Variants in TUSC3 observed in about 807,000 individuals in gnomAD.
The protein encoded by TUSC3 is tumor suppressor candidate 3.
In TUSC3, 45 loss-of-function variants were observed where a neutral mutation model predicts 44.8. That is an observed-to-expected ratio of 1.00 (90% CI 0.79 to 1.29). The LOEUF (loss-of-function observed/expected upper bound fraction) is 1.29, where lower values mean the gene tolerates loss of function less well. TUSC3 is among the 50% of genes most tolerant of loss of function. The pLI is 0.00. For synonymous variants in TUSC3, 212 were observed against 152.9 expected, an observed-to-expected ratio of 1.39 and a Z score of -2.85; for missense variants, 519 against 437.9, an observed-to-expected ratio of 1.19 and a Z score of -1.65.
chr8:15,446,830 A>G (rs906528813), intron 1 of TUSC3, among the ~76,000 whole-genome samples: 1 of 151,538 alleles, frequency 6.6e-6, no homozygotes, highest in Non-Finnish European at 1.5e-5. Flanking sequence ...TCTTTAAAGG[A>G]GAGGCAGAAG....
intron 1 of TUSC3, among the ~76,000 whole-genome samples, chr8:15,429,310 T>C (rs1799842939): frequency 6.6e-6 from 1 of 151,994 alleles, no homozygotes; most frequent in Non-Finnish European, 1.5e-5. Context: ...GAGGGCTCTG[T>C]TCTGTTCCAT....
At chr8:15,777,998 C>T in the TUSC3 span, among the ~76,000 whole-genome samples, 71 of 151,962 alleles carry the variant, frequency 4.7e-4, no homozygotes, top group Middle Eastern at 6.8e-3. Context: ...ATCTTGATTT[C>T]CCTCTCCTTG....
At chr8:15,479,359 G>A (rs529427894) in intron 1 of TUSC3, among the ~76,000 whole-genome samples, 15 of 152,114 alleles carry the variant, frequency 9.9e-5, no homozygotes, top group African/African-American at 2.6e-4. Flanking sequence ...ATTTTTGCCC[G>A]TGCCTATGTT....
intron 6 of TUSC3, among the ~76,000 whole-genome samples, chr8:15,723,257 G>A (rs1810374842): frequency 6.6e-6 from 1 of 152,142 alleles, no homozygotes; most frequent in Admixed American, 6.6e-5. Flanking sequence ...CAGAGACATT[G>A]CTAAACGATG....
the TUSC3 span, chr8:15,807,281 A>G: frequency 1.7e-6 from 1 of 575,384 alleles, no homozygotes; most frequent in Admixed American, 2.5e-5. Flanking sequence ...AGATGGTCCC[A>G]TTATGTCATA....
intron 6 of TUSC3, among the ~76,000 whole-genome samples, chr8:15,716,668 A>T (rs28572644): frequency 6.6e-6 from 1 of 152,128 alleles, no homozygotes; most frequent in Admixed American, 6.6e-5. Flanking sequence ...CGAAATATCA[A>T]TATTTATTTG....
chr8:15,701,557 G>A (rs1029104877), intron 6 of TUSC3, among the ~76,000 whole-genome samples: 3 of 152,122 alleles, frequency 2.0e-5, no homozygotes, highest in African/African-American at 7.2e-5. Context: ...CATTATAGAA[G>A]TAGATGCATA....
chr8:15,798,021 A>G, the TUSC3 span, among the ~76,000 whole-genome samples: 4 of 152,172 alleles, frequency 2.6e-5, no homozygotes, highest in Non-Finnish European at 4.4e-5. Context: ...CTAAGATGCT[A>G]TACTATGTCC....
chr8:15,643,700 C>T (rs1270095713), intron 2 of TUSC3, among the ~76,000 whole-genome samples: 1 of 152,134 alleles, frequency 6.6e-6, no homozygotes, highest in Admixed American at 6.6e-5. Flanking sequence ...TTTCTCAGCT[C>T]TTCAGAGGCC....
chr8:15,646,281 T>C (rs13248414), intron 2 of TUSC3, among the ~76,000 whole-genome samples: 30,069 of 152,034 alleles, frequency 0.2, 3,824 homozygotes, highest in Non-Finnish European at 0.29. Flanking sequence ...ACACAGACTA[T>C]TTGAGTGTGG....
chr8:15,504,613 ATATATATATTTTTTTT>A (rs1247613786), intron 2 of TUSC3, among the ~76,000 whole-genome samples: 22 of 20,732 alleles, frequency 1.1e-3, no homozygotes, highest in African/African-American at 6.1e-3. Context: ...ATATATATAT[ATATATATATTTTTTTT>A]TTTTTTTTTT....
At chr8:15,582,356 A>G (rs1044782287) in intron 1 of TUSC3, among the ~76,000 whole-genome samples, 9 of 152,306 alleles carry the variant, frequency 5.9e-5, no homozygotes, top group South Asian at 4.1e-4. Flanking sequence ...GTAAACAGTG[A>G]GGTACTTGAA....
At chr8:15,780,294 T>G in the TUSC3 span, among the ~76,000 whole-genome samples, 42 of 152,098 alleles carry the variant, frequency 2.8e-4, no homozygotes, top group Non-Finnish European at 1.3e-4. Flanking sequence ...CACAATACAG[T>G]TGGAAAGGAA....
At chr8:15,442,511 G>A (rs777953078) in intron 1 of TUSC3, among the ~76,000 whole-genome samples, 1 of 152,130 alleles carries the variant, frequency 6.6e-6, no homozygotes, top group Non-Finnish European at 1.5e-5. Flanking sequence ...GCTGTTCCCA[G>A]TGGATTGTTT....
intron 2 of TUSC3, among the ~76,000 whole-genome samples, chr8:15,647,674 C>G (rs1312655853): frequency 6.6e-6 from 1 of 152,158 alleles, no homozygotes; most frequent in Non-Finnish European, 1.5e-5. Context: ...TTTTCATTCA[C>G]ACTACCTTTT....
At chr8:15,442,015 G>T (rs1800027122) in intron 1 of TUSC3, among the ~76,000 whole-genome samples, 1 of 152,116 alleles carries the variant, frequency 6.6e-6, no homozygotes, top group South Asian at 2.1e-4. Context: ...ATCATATAGG[G>T]ACTCTTAAAT....
chr8:15,834,982 G>C, the TUSC3 span, among the ~76,000 whole-genome samples: 1 of 152,338 alleles, frequency 6.6e-6, no homozygotes, highest in Middle Eastern at 3.4e-3. Flanking sequence ...CAAGGGTCAT[G>C]TAACCAATCC....
chr8:15,698,019 A>C (rs572987723), intron 6 of TUSC3, among the ~76,000 whole-genome samples: 2 of 152,304 alleles, frequency 1.3e-5, no homozygotes, highest in East Asian at 3.9e-4. Context: ...TTGAAATACA[A>C]AGTTAATATA....
chr8:15,466,870 A>T (rs1202709994), intron 1 of TUSC3, among the ~76,000 whole-genome samples: 1 of 152,108 alleles, frequency 6.6e-6, no homozygotes, highest in Admixed American at 6.6e-5. Flanking sequence ...TTGCTCACTC[A>T]GAGGGCCATT....
Sources: allele counts gnomAD v4.1 joint callset (sites outside exome capture counted in the v4.1 genomes callset), GRCh38; gene constraint gnomAD v4.1.1; transcripts MANE v1.5; gene names NCBI Gene and HGNC (gene_info 2026-07-23, HGNC 2026-07-21).